The following HDAC9 variants were observed in gnomAD, a reference collection of about 807,000 sequenced individuals.
HDAC9 encodes the protein histone deacetylase 9.
HDAC9 carries 41 observed loss-of-function variants against 139.4 expected under a neutral mutation model. The observed-to-expected ratio is 0.29, with a 90% confidence interval of 0.23 to 0.38. The LOEUF (loss-of-function observed/expected upper bound fraction) is 0.38. Ranked by LOEUF, HDAC9 falls within the 10% of genes least tolerant of loss-of-function variation. HDAC9 has a pLI of 1.00. For missense variants in HDAC9, 1,147 were observed against 1,297.0 expected (o/e 0.88, Z 1.78); for synonymous variants, 517 against 476.2 (o/e 1.09, Z -1.12).
chr7:18,699,142 T>A (rs1783271845), intron 12 of HDAC9, among the ~76,000 whole-genome samples: 1 of 152,136 alleles, frequency 6.6e-6, no homozygotes, highest in South Asian at 2.1e-4. Flanking sequence ...GGGCAACCAT[T>A]GAGAACCAAG....
intron 1 of HDAC9, among the ~76,000 whole-genome samples, chr7:18,430,083 C>G (rs1475693225): frequency 6.6e-6 from 1 of 151,986 alleles, no homozygotes; most frequent in Non-Finnish European, 1.5e-5. Context: ...TTGAGGCTTC[C>G]AAGAGGTTAG....
Position 18,221,106 on chromosome 7 carries a change from C to CTTTTTTTTTTTTTTT in HDAC9, c.25+58770_25+58771insTTTTTTTTTTTTTTT, listed in dbSNP as rs537033538. Among the ~76,000 whole-genome samples, 207 of 139,542 alleles carry CTTTTTTTTTTTTTTT rather than the reference C, an allele frequency of 1.5e-3. 5 individuals are homozygous for CTTTTTTTTTTTTTTT. Among genetic ancestry groups the CTTTTTTTTTTTTTTT allele is most frequent in the African/African-American group, 5.2e-3 (188 of 36,318 alleles). 91.5% of individuals were successfully genotyped at this position (139,542 alleles called of 152,430 possible). A position where few individuals can be genotyped will look rare whatever the true frequency, so the allele number is the denominator to read the frequency against. On this transcript the variant is annotated intron_variant, in intron 2 of 12. Coordinates refer to the HDAC9 transcript ENST00000417496. Reference sequence around the variant, plus strand: ...TCTATAATATTTTGCATTTCTATTCCTTTTTTTTTTTTTGTGACGGAGTTT... The same window carrying CTTTTTTTTTTTTTTT: ...TCTATAATATTTTGCATTTCTATTCCTTTTTTTTTTTTTTTTTTTTTTTTTTTTGTGACGGAGTTT...
intron 17 of HDAC9, among the ~76,000 whole-genome samples, chr7:18,796,416 G>A (rs1792803515): frequency 6.6e-6 from 1 of 152,210 alleles, no homozygotes; most frequent in Non-Finnish European, 1.5e-5. Context: ...AATGAACCAG[G>A]CACAGGGGGT....
intron 16 of HDAC9, among the ~76,000 whole-genome samples, chr7:18,774,005 A>G (rs187829716): frequency 9.0e-4 from 136 of 151,910 alleles, no homozygotes; most frequent in Admixed American, 7.9e-3. Flanking sequence ...TTTTTTCAAA[A>G]TTCAAAACCA....
intron 6 of HDAC9, among the ~76,000 whole-genome samples, chr7:18,610,449 G>T (rs949415891): frequency 2.0e-5 from 3 of 152,062 alleles, no homozygotes; most frequent in African/African-American, 4.8e-5. Flanking sequence ...GTTTAACAAC[G>T]ATAGCAAAAA....
At chr7:18,171,076 G>T (rs1584445164) in intron 2 of HDAC9, among the ~76,000 whole-genome samples, 1 of 152,216 alleles carries the variant, frequency 6.6e-6, no homozygotes, top group Admixed American at 6.5e-5. Flanking sequence ...TCCTATCCAT[G>T]AGCATGGAAT....
At chr7:18,682,217 G>C (rs1259294413) in intron 12 of HDAC9, among the ~76,000 whole-genome samples, 3 of 151,882 alleles carry the variant, frequency 2.0e-5, no homozygotes, top group African/African-American at 7.3e-5. Flanking sequence ...TTTGCATTTT[G>C]TTTAAGGGCA....
chr7:18,449,688 C>G (rs930135159), intron 1 of HDAC9, among the ~76,000 whole-genome samples: 1 of 152,008 alleles, frequency 6.6e-6, no homozygotes, highest in South Asian at 2.1e-4. Context: ...AATACTTTCT[C>G]CATTAAAGAA....
At chr7:18,723,658 CTG>C (rs1307984873) in intron 12 of HDAC9, among the ~76,000 whole-genome samples, 2 of 152,020 alleles carry the variant, frequency 1.3e-5, no homozygotes, top group Non-Finnish European at 2.9e-5. Context: ...AGTTAGCAAA[CTG>C]TTTTATCTTA....
intron 1 of HDAC9, among the ~76,000 whole-genome samples, chr7:18,436,747 G>A (rs1399737230): frequency 6.6e-6 from 1 of 152,182 alleles, no homozygotes; most frequent in East Asian, 1.9e-4. Flanking sequence ...TCATCTCTGT[G>A]TTAGCAGTAG....
intron 6 of HDAC9, 73 bp downstream of exon 6, chr7:18,594,102 A>G (rs1198835252): frequency 6.6e-7 from 1 of 1,526,706 alleles, no homozygotes. Context: ...CCACACCTCT[A>G]GAAGAAAGTC....
intron 1 of HDAC9, among the ~76,000 whole-genome samples, chr7:18,146,364 TACTC>T (rs1260692416): frequency 6.6e-6 from 1 of 152,196 alleles, no homozygotes; most frequent in Non-Finnish European, 1.5e-5. Flanking sequence ...TCATTTTCAA[TACTC>T]ACAGTGGTTG....
chr7:18,150,865 C>T (rs1786727134), intron 1 of HDAC9, among the ~76,000 whole-genome samples: 1 of 152,046 alleles, frequency 6.6e-6, no homozygotes, highest in Non-Finnish European at 1.5e-5. Flanking sequence ...TGCAGAGGAA[C>T]TTAAGAGTGA....
rs1786598201 is a variant in HDAC9 at position 18,998,698 on chromosome 7, AGTT to A, written c.*2640_*2642del. On this transcript the variant is annotated 3_prime_UTR_variant, in exon 26 of 26. Coordinates refer to ENST00000686413, the MANE Select transcript of HDAC9 (RefSeq NM_178425.4). ...TACCCGTTTAAATTTTATTGCTCGC[AGTT>A]GTTCTGAATGAGAGGCTAGAAGAGT... 6.6e-6 allele frequency: 1 copy of A among 152,318 alleles called. No homozygotes were observed. Among genetic ancestry groups the A allele is most frequent in the South Asian group, 2.1e-4 (1 of 4,830 alleles). 9.4% of individuals were successfully genotyped at this position (152,318 alleles called of 1,614,324 possible). A position where few individuals can be genotyped will look rare whatever the true frequency, so the allele number is the denominator to read the frequency against.
intron 1 of HDAC9, among the ~76,000 whole-genome samples, chr7:18,340,710 T>TC (rs35603939): frequency 0.7 from 106,626 of 151,280 alleles, 38,984 homozygotes; most frequent in Non-Finnish European, 0.79. Flanking sequence ...TAGTTATAAA[T>TC]CCCATGCTGA....
At chr7:18,296,793 G>A (rs1234226614) in intron 1 of HDAC9, among the ~76,000 whole-genome samples, 7 of 152,312 alleles carry the variant, frequency 4.6e-5, no homozygotes, top group Middle Eastern at 3.4e-3. Context: ...AGACATTTCT[G>A]TGACTGTCTG....
intron 2 of HDAC9, among the ~76,000 whole-genome samples, chr7:18,275,605 A>G (rs1796666344): frequency 6.6e-6 from 1 of 152,106 alleles, no homozygotes; most frequent in Non-Finnish European, 1.5e-5. Flanking sequence ...TGTGGTTGCA[A>G]GAGCCTCCTT....
intron 2 of HDAC9, among the ~76,000 whole-genome samples, chr7:18,267,518 TC>T (rs1265170965): frequency 6.6e-6 from 1 of 152,116 alleles, no homozygotes; most frequent in African/African-American, 2.4e-5. Flanking sequence ...TTTATAGAAT[TC>T]TACCTATAAG....
At chr7:18,291,269 G>T (rs1055708477) in intron 1 of HDAC9, among the ~76,000 whole-genome samples, 1 of 152,142 alleles carries the variant, frequency 6.6e-6, no homozygotes, top group Non-Finnish European at 1.5e-5. Flanking sequence ...TCCACTGGTT[G>T]TTTTACCAGT....
Sources: gnomAD v4.1 joint callset for allele counts (sites outside exome capture counted in the v4.1 genomes callset) on GRCh38, gnomAD v4.1.1 for gene constraint, MANE v1.5 for transcripts, NCBI Gene and HGNC (gene_info 2026-07-23, HGNC 2026-07-21) for gene names.